RBFOX3: variants seen among roughly 807,000 people sequenced by gnomAD.
The protein encoded by RBFOX3 is RNA binding protein fox-1 homolog 3.
A neutral mutation model predicts 48.7 loss-of-function variants in RBFOX3; 17 were observed. The observed-to-expected ratio is 0.35, with a 90% CI of 0.24 to 0.52. The LOEUF (loss-of-function observed/expected upper bound fraction) is 0.52. Ranked by LOEUF, RBFOX3 falls within the 20% of genes least tolerant of loss-of-function variation. The probability of loss-of-function intolerance (pLI) is 0.94; values close to 1 mark genes in which losing one functional copy is unlikely to be tolerated. For missense variants in RBFOX3, 382 were observed against 497.5 expected, an observed-to-expected ratio of 0.77 and a Z score of 2.21; for synonymous variants, 212 against 209.5, an observed-to-expected ratio of 1.01 and a Z score of -0.10.
chr17:79,314,244 C>G lies in RBFOX3; in HGVS notation c.-174-6420G>C, dbSNP rs150236299. ...GTGACAAAGTAGGAGCTGGGGTAAC[C>G]ATGGCTCCCTGGGAGTGTGCAGGAC... On this transcript the variant is annotated intron_variant, in intron 2 of 14. Coordinates refer to ENST00000693108, the MANE Select transcript of RBFOX3 (RefSeq NM_001350451.2). Among the ~76,000 whole-genome samples, 191 of 152,306 alleles carry G rather than the reference C, an allele frequency of 1.3e-3. 1 individual carries two copies. The highest frequency in any genetic ancestry group is 4.4e-3 in the African/African-American group (184 of 41,550).
the RBFOX3 span, among the ~76,000 whole-genome samples, chr17:79,639,845 A>G: frequency 6.6e-6 from 1 of 152,210 alleles, no homozygotes; most frequent in Admixed American, 6.5e-5. Flanking sequence ...ACCTCAACAC[A>G]GTAAAAGCCC....
chr17:79,268,064 T>A (rs376144673), intron 3 of RBFOX3, among the ~76,000 whole-genome samples: 1 of 152,226 alleles, frequency 6.6e-6, no homozygotes, highest in East Asian at 1.9e-4. Flanking sequence ...TTCACCTCTT[T>A]CAACCCTCCG....
intron 2 of RBFOX3, among the ~76,000 whole-genome samples, chr17:79,346,118 C>T (rs148884963): frequency 1.6e-3 from 236 of 152,076 alleles, no homozygotes; most frequent in African/African-American, 5.5e-3. Flanking sequence ...GATGAGGGTT[C>T]CATCATGTTG....
At chr17:79,408,330 C>A (rs2063822270) in intron 2 of RBFOX3, among the ~76,000 whole-genome samples, 1 of 152,150 alleles carries the variant, frequency 6.6e-6, no homozygotes, top group African/African-American at 2.4e-5. Flanking sequence ...GGGCAGCCCC[C>A]ACGCAGCACT....
At chr17:79,611,258 C>CGCG (rs1336916396), upstream of RBFOX3, among the ~76,000 whole-genome samples, 1 of 149,500 alleles carries the variant, frequency 6.7e-6, no homozygotes, top group African/African-American at 2.5e-5. Flanking sequence ...AGCAGGAGCA[C>CGCG]GCGGCGGCGG....
At chr17:79,283,265 CTTTTTTT>C (rs11307023) in intron 3 of RBFOX3, among the ~76,000 whole-genome samples, 2 of 114,594 alleles carry the variant, frequency 1.7e-5, no homozygotes, top group Non-Finnish European at 1.8e-5. Flanking sequence ...TGTTCCTTTT[CTTTTTTT>C]TTTTTTTTTT....
intron 4 of RBFOX3, among the ~76,000 whole-genome samples, chr17:79,143,233 G>A (rs1386619683): frequency 2.0e-5 from 3 of 152,144 alleles, no homozygotes; most frequent in African/African-American, 7.2e-5. Flanking sequence ...GGCTGTGCCA[G>A]CTCGCCCGAG....
At chr17:79,123,686 GC>G (rs2036396050) in intron 4 of RBFOX3, among the ~76,000 whole-genome samples, 1 of 152,178 alleles carries the variant, frequency 6.6e-6, no homozygotes, top group African/African-American at 2.4e-5. Flanking sequence ...ATCCCCACAA[GC>G]CTGTAAGGCA....
intron 14 of RBFOX3, chr17:79,091,964 A>C (rs1210482800): frequency 1.0e-6 from 1 of 985,342 alleles, no homozygotes; most frequent in Non-Finnish European, 1.2e-6. Context: ...AATAAAATTT[A>C]ATGAAAAATA....
intron 4 of RBFOX3, among the ~76,000 whole-genome samples, chr17:79,186,775 C>T (rs773301305): frequency 1.3e-5 from 2 of 152,250 alleles, no homozygotes; most frequent in Non-Finnish European, 1.5e-5. Context: ...TTCTGCGCTC[C>T]TGGGCACCAC....
At position 79,250,864 on chromosome 17, in the gene RBFOX3, GCAGTA is replaced by G. The variant is rs148544769; in HGVS notation, c.-73-15064_-73-15060del. Among the ~76,000 whole-genome samples the G allele has an allele frequency of 7.4e-3, 984 of 132,606 alleles. 8 individuals are homozygous for G. The highest frequency in any genetic ancestry group is 0.026 in the African/African-American group (918 of 34,914). 87.0% of individuals were successfully genotyped at this position (132,606 alleles called of 152,430 possible). ...TTCTTTCTTCCCTGAGTTTCGCTCTGCAGTACAGTGGCTCACTGCAACCTCCACCT... is the reference window on the plus strand; with the variant it reads ...TTCTTTCTTCCCTGAGTTTCGCTCTGCAGTGGCTCACTGCAACCTCCACCT... On this transcript the variant is annotated intron_variant, in intron 3 of 14. Coordinates refer to ENST00000693108, the MANE Select transcript of RBFOX3 (RefSeq NM_001350451.2).
chr17:79,184,603 G>A (rs2053016603), intron 4 of RBFOX3, among the ~76,000 whole-genome samples: 1 of 152,250 alleles, frequency 6.6e-6, no homozygotes, highest in South Asian at 2.1e-4. Flanking sequence ...AGAGGGATGG[G>A]CTGCCAGTGG....
chr17:79,342,983 A>C lies in RBFOX3; in HGVS notation c.-174-35159T>G, dbSNP rs557616301. ...GAGAAAGAGAAAGAGAAAGAGCGAG[A>C]GAGAGAGAGAGAGAGAGAGAAACCT... On this transcript the variant is annotated intron_variant, in intron 2 of 14. Coordinates refer to ENST00000693108, the MANE Select transcript of RBFOX3 (RefSeq NM_001350451.2). Among the ~76,000 whole-genome samples, 92 of 150,880 alleles carry C rather than the reference A, an allele frequency of 6.1e-4. 2 individuals are homozygous for C. Among genetic ancestry groups the C allele is most frequent in the Middle Eastern group, 3.4e-3 (1 of 292 alleles).
the RBFOX3 span, among the ~76,000 whole-genome samples, chr17:79,641,255 C>T: frequency 2.0e-5 from 3 of 151,956 alleles, no homozygotes; most frequent in Non-Finnish European, 4.4e-5. Flanking sequence ...GTTAGATATT[C>T]CCTCACACTT....
chr17:79,241,157 ATCTG>A (rs1217605842), intron 3 of RBFOX3, among the ~76,000 whole-genome samples: 2 of 149,978 alleles, frequency 1.3e-5, no homozygotes, highest in African/African-American at 2.5e-5. Context: ...CTAGCTATCT[ATCTG>A]TCTATCTATT....
intron 4 of RBFOX3, among the ~76,000 whole-genome samples, chr17:79,178,669 C>G (rs1254480290): frequency 1.3e-5 from 2 of 152,186 alleles, no homozygotes; most frequent in Non-Finnish European, 1.5e-5. Flanking sequence ...CAAATGTAAC[C>G]GAGCTACTTC....
chr17:79,634,172 C>T, the RBFOX3 span, among the ~76,000 whole-genome samples: 13 of 152,308 alleles, frequency 8.5e-5, no homozygotes, highest in South Asian at 1.4e-3. Flanking sequence ...GCTTCCCAGA[C>T]GCCACCCTCA....
At chr17:79,186,361 G>A (rs1193773146) in intron 4 of RBFOX3, among the ~76,000 whole-genome samples, 1 of 152,274 alleles carries the variant, frequency 6.6e-6, no homozygotes, top group African/African-American at 2.4e-5. Flanking sequence ...TTAGCGAACA[G>A]CACGCACCTC....
Position 79,299,196 on chromosome 17 carries a change from C to T in RBFOX3, c.-74+8528G>A, listed in dbSNP as rs555012814. Among the ~76,000 whole-genome samples the T allele has an allele frequency of 6.6e-6, 1 of 151,710 alleles. No homozygotes were observed. Among genetic ancestry groups the T allele is most frequent in the Non-Finnish European group, 1.5e-5 (1 of 67,918 alleles). ...GAGGGTGGGATGTGAGGGCGGGTCC[C>T]ATTCCTGAAAGTAAACCTGGCAAAC... On this transcript the variant is annotated intron_variant, in intron 3 of 14. Coordinates refer to ENST00000693108, the MANE Select transcript of RBFOX3 (RefSeq NM_001350451.2). This position sits in a 1 kb window ranked among gnomAD's most constrained non-coding sequence, Gnocchi z 4.5.
Sources: allele counts gnomAD v4.1 joint callset (sites outside exome capture counted in the v4.1 genomes callset), GRCh38; gene constraint gnomAD v4.1.1; non-coding constraint Gnocchi (gnomAD v3.1); transcripts MANE v1.5; gene names NCBI Gene and HGNC (gene_info 2026-07-23, HGNC 2026-07-21).